Variants in NOP9 observed in about 807,000 individuals in gnomAD.
NOP9 encodes nucleolar protein 9.
Under a neutral mutation model 63.0 loss-of-function variants are expected in NOP9, and 50 were observed. The observed-to-expected ratio is 0.79, with a 90% CI of 0.63 to 1.00. NOP9 has a LOEUF of 1.00. Among genes scored for constraint, NOP9 ranks in the 50% least tolerant of loss-of-function variants. The probability of loss-of-function intolerance (pLI) is 0.00; values close to 1 mark genes in which losing one functional copy is unlikely to be tolerated. For missense variants in NOP9, 758 were observed against 803.0 expected, an observed-to-expected ratio of 0.94 and a Z score of 0.68; for synonymous variants, 343 against 332.8, an observed-to-expected ratio of 1.03 and a Z score of -0.33.
At chr14:24,272,397 A>G in the NOP9 span, among the ~76,000 whole-genome samples, 1 of 152,226 alleles carries the variant, frequency 6.6e-6, no homozygotes, top group Non-Finnish European at 1.5e-5. Flanking sequence ...CTGTCTAAAC[A>G]TTGGCCTTTA....
chr14:24,302,937 A>C, intron 5 of NOP9, 137 bp from the exon 6 acceptor site: 1 of 1,091,132 alleles, frequency 9.2e-7, no homozygotes, highest in Non-Finnish European at 1.3e-6. Context: ...TTATCTAGCC[A>C]AACAAAAGTC....
upstream of NOP9, among the ~76,000 whole-genome samples, chr14:24,298,235 A>G (rs117314873): frequency 1.3e-3 from 193 of 152,234 alleles, 1 homozygote; most frequent in East Asian, 0.034. Context: ...TATTTTTTGT[A>G]GAGACTGGGT....
At chr14:24,303,891 T>C (rs1261977285) in intron 7 of NOP9, 34 bp downstream of exon 7, 3 of 1,609,878 alleles carry the variant, frequency 1.9e-6, no homozygotes, top group Non-Finnish European at 2.6e-6. Context: ...CAGTGACTAA[T>C]TGGGAGTCAG....
At chr14:24,283,632 C>G in the NOP9 span, among the ~76,000 whole-genome samples, 1 of 152,062 alleles carries the variant, frequency 6.6e-6, no homozygotes, top group Admixed American at 6.6e-5. Flanking sequence ...GGACAGAGCC[C>G]TAACTTAGGT....
At chr14:24,282,116 G>T in the NOP9 span, among the ~76,000 whole-genome samples, 12 of 152,202 alleles carry the variant, frequency 7.9e-5, no homozygotes, top group Non-Finnish European at 2.9e-5. Context: ...GAACCCAGGA[G>T]GCGGAGGTTG....
At chr14:24,271,299 G>T in the NOP9 span, 1 of 683,166 alleles carries the variant, frequency 1.5e-6, no homozygotes, top group Middle Eastern at 4.4e-4. Flanking sequence ...GGCTTTGCAC[G>T]TTCCACAAGA....
chr14:24,284,374 A>G, the NOP9 span, among the ~76,000 whole-genome samples: 3 of 152,196 alleles, frequency 2.0e-5, no homozygotes, highest in Non-Finnish European at 4.4e-5. Context: ...CTGAGCACAC[A>G]GGAGGCTGCA....
the NOP9 span, among the ~76,000 whole-genome samples, chr14:24,287,474 T>C: frequency 2.0e-5 from 3 of 152,236 alleles, no homozygotes; most frequent in African/African-American, 7.2e-5. Flanking sequence ...CCAACCCTGC[T>C]TACTTGTCTC....
chr14:24,277,207 G>T, the NOP9 span, among the ~76,000 whole-genome samples: 10 of 152,296 alleles, frequency 6.6e-5, no homozygotes, highest in African/African-American at 2.4e-4. Context: ...GTCCACAGAG[G>T]TCCTAGAACA....
At chr14:24,286,921 GCT>G in the NOP9 span, among the ~76,000 whole-genome samples, 1 of 151,592 alleles carries the variant, frequency 6.6e-6, no homozygotes, top group Non-Finnish European at 1.5e-5. Context: ...ACAGAGTCTT[GCT>G]CTGTTGCCCA....
At chr14:24,272,012 A>ACCTC in the NOP9 span, among the ~76,000 whole-genome samples, 1 of 151,222 alleles carries the variant, frequency 6.6e-6, no homozygotes, top group Admixed American at 6.6e-5. Context: ...TCATCTGTTC[A>ACCTC]CCTCCACCCC....
At chr14:24,271,269 T>G in the NOP9 span, 3 of 975,774 alleles carry the variant, frequency 3.1e-6, no homozygotes, top group South Asian at 2.0e-5. Context: ...ACCCCCAGAG[T>G]GTAAAGAGGT....
At chr14:24,299,799 GC>G (rs2041331757), upstream of NOP9, 7 of 990,946 alleles carry the variant, frequency 7.1e-6, no homozygotes, top group South Asian at 1.1e-4. Flanking sequence ...CACCCACCCC[GC>G]CCGGCTGGGG....
upstream of NOP9, chr14:24,299,361 G>T: frequency 2.3e-6 from 1 of 431,850 alleles, no homozygotes; most frequent in Non-Finnish European, 4.2e-6. Context: ...ACTGTCCAGA[G>T]GTGGACAACT....
the NOP9 span, among the ~76,000 whole-genome samples, chr14:24,287,852 TC>T: frequency 6.6e-6 from 1 of 152,184 alleles, no homozygotes; most frequent in Non-Finnish European, 1.5e-5. Flanking sequence ...CAACTAGTCT[TC>T]CCTGGTGTCT....
rs182058302 is a variant in NOP9 at position 24,300,522 on chromosome 14, C to T, written c.362C>T (p.Pro121Leu). Residue 121 changes from proline (P) to leucine (L), a missense_variant, in exon 2 of 10, where the codon CCG (proline) becomes CTG (leucine). Physicochemically the swap from Pro to Leu is moderately conservative, Grantham distance 98. Transcript: ENST00000267425. ...QELLGFSPLK[P>L]LCRVWAALRS... ...CTGTTGGGATTCAGTCCCTTGAAAC[C>T]GCTTTGTCGCGTGTGGGCTGCTCTG... 3 of 1,614,230 alleles carry T rather than the reference C, an allele frequency of 1.9e-6. No individual in the cohort carries two copies. The East Asian group carries it at 6.7e-5, about 36-fold the overall frequency.
chr14:24,292,572 C>A, the NOP9 span: 3 of 1,609,924 alleles, frequency 1.9e-6, no homozygotes, highest in Non-Finnish European at 2.5e-6. Flanking sequence ...CCATTCTGAC[C>A]ACTGGGGATT....
At chr14:24,299,342 C>CCCAGAGAGTGAAGAG, upstream of NOP9, 1 of 511,584 alleles carries the variant, frequency 2.0e-6, no homozygotes, top group South Asian at 2.5e-5. Flanking sequence ...GAAGAAGGGG[C>CCCAGAGAGTGAAGAG]TGAGTGGGAC....
chr14:24,275,677 T>G, the NOP9 span, among the ~76,000 whole-genome samples: 1 of 152,068 alleles, frequency 6.6e-6, no homozygotes, highest in South Asian at 2.1e-4. Context: ...GTCAGGGCCC[T>G]GGGCCAGGGC....
Sources: gnomAD v4.1 joint callset for allele counts (sites outside exome capture counted in the v4.1 genomes callset) on GRCh38, gnomAD v4.1.1 for gene constraint, MANE v1.5 for transcripts, NCBI Gene and HGNC (gene_info 2026-07-23, HGNC 2026-07-21) for gene names.